KCNN2: variants seen among roughly 807,000 people sequenced by gnomAD.
KCNN2 encodes the protein potassium calcium-activated channel subfamily N member 2, also known as small conductance calcium-activated potassium channel protein 2.
In KCNN2, 24 loss-of-function variants were observed where a neutral mutation model predicts 55.5. The observed-to-expected ratio is 0.43, with a 90% confidence interval of 0.31 to 0.61. The LOEUF (loss-of-function observed/expected upper bound fraction) is 0.61, where lower values mean the gene tolerates loss of function less well. Ranked by LOEUF, KCNN2 falls within the 20% of genes least tolerant of loss-of-function variation. The pLI is 0.08. For missense variants in KCNN2, 754 were observed against 853.6 expected, an observed-to-expected ratio of 0.88 and a Z score of 1.45; for synonymous variants, 431 against 336.1, an observed-to-expected ratio of 1.28 and a Z score of -3.09.
rs2954365 is a variant in KCNN2, at chr5:114,121,792, C to T, written c.-271+65292C>T. ...TTGGTCTTAAGGTATGTTGGATAAGCGAGAGACATTTCTTGCCCCCATGGA... is the reference window on the plus strand; with the variant it reads ...TTGGTCTTAAGGTATGTTGGATAAGTGAGAGACATTTCTTGCCCCCATGGA... On this transcript the variant is annotated intron_variant, in intron 1 of 10. Transcript: ENST00000512097. 3.0e-4 allele frequency among the ~76,000 whole-genome samples: 46 copies of T among 152,176 alleles called. No homozygotes were observed. The East Asian group carries it at 8.1e-3, about 27-fold the overall frequency.
intron 3 of KCNN2, among the ~76,000 whole-genome samples, chr5:114,455,192 G>T (rs1440498925): frequency 2.0e-5 from 3 of 152,156 alleles, no homozygotes; most frequent in Admixed American, 1.3e-4. Context: ...CTGAAGGACT[G>T]TGTCAGTGCT....
intron 2 of KCNN2, among the ~76,000 whole-genome samples, chr5:114,378,655 C>T (rs937747276): frequency 7.2e-5 from 11 of 152,014 alleles, no homozygotes; most frequent in Non-Finnish European, 1.2e-4. Context: ...TCTGGTGCCT[C>T]GGGGTTGGGA....
chr5:114,471,901 C>T (rs1007329668), intron 4 of KCNN2, among the ~76,000 whole-genome samples: 1 of 152,164 alleles, frequency 6.6e-6, no homozygotes, highest in Non-Finnish European at 1.5e-5. Context: ...TGCAGCAACT[C>T]ATTGAGTAAG....
At chr5:114,276,428 G>A (rs1227574977) in intron 2 of KCNN2, among the ~76,000 whole-genome samples, 1 of 152,094 alleles carries the variant, frequency 6.6e-6, no homozygotes, top group Admixed American at 6.6e-5. Flanking sequence ...TGACAGTGGG[G>A]TGTTAAAGTC....
At position 114,169,557 on chromosome 5, in the gene KCNN2, G is replaced by A. The variant is rs532144437; in HGVS notation, c.-270-51923G>A. Among the ~76,000 whole-genome samples the A allele has an allele frequency of 7.9e-5, 12 of 152,220 alleles. No homozygotes were observed. The South Asian group carries it at 2.5e-3, about 32-fold the overall frequency. On this transcript the variant is annotated intron_variant, in intron 1 of 10. Coordinates refer to the KCNN2 transcript ENST00000512097. ...TCCTGGAACTTTTATCTCCTCTGCA[G>A]TTTAGATACCAGACAGGAAGAATGC...
chr5:114,148,869 C>T (rs1416150123), intron 1 of KCNN2, among the ~76,000 whole-genome samples: 3 of 151,930 alleles, frequency 2.0e-5, no homozygotes, highest in South Asian at 2.1e-4. Context: ...GTACAGGGAG[C>T]GGCTCACCAT....
intron 1 of KCNN2, among the ~76,000 whole-genome samples, chr5:114,134,217 T>A (rs961107305): frequency 6.6e-6 from 1 of 151,470 alleles, no homozygotes; most frequent in African/African-American, 2.4e-5. Context: ...TAGGAAGGAT[T>A]TTTTAAATTA....
chr5:114,233,517 C>T (rs1182456739), intron 2 of KCNN2, among the ~76,000 whole-genome samples: 1 of 152,012 alleles, frequency 6.6e-6, no homozygotes, highest in Non-Finnish European at 1.5e-5. Context: ...CATGTTTCTC[C>T]CTTGACTCTG....
At chr5:114,155,208 G>A (rs1167618042) in intron 1 of KCNN2, among the ~76,000 whole-genome samples, 1 of 152,092 alleles carries the variant, frequency 6.6e-6, no homozygotes, top group East Asian at 1.9e-4. Context: ...TCCCTGCAAA[G>A]GACATGATCT....
At chr5:114,159,067 T>TC (rs1159872455) in intron 1 of KCNN2, among the ~76,000 whole-genome samples, 9 of 152,188 alleles carry the variant, frequency 5.9e-5, no homozygotes, top group South Asian at 2.1e-4. Flanking sequence ...AGAGAGGGCA[T>TC]CCTGTCTTGT....
intron 1 of KCNN2, among the ~76,000 whole-genome samples, chr5:114,154,668 G>T (rs116414631): frequency 6.6e-6 from 1 of 152,116 alleles, no homozygotes. Flanking sequence ...TCTAGTTTGG[G>T]TTGTTAAACA....
chr5:114,247,113 G>T (rs1754762101), intron 2 of KCNN2, among the ~76,000 whole-genome samples: 1 of 144,564 alleles, frequency 6.9e-6, no homozygotes, highest in Non-Finnish European at 1.5e-5. Context: ...AGATCAGCGT[G>T]ACCAACATGG....
At chr5:114,283,662 A>G (rs1391678646) in intron 2 of KCNN2, among the ~76,000 whole-genome samples, 1 of 152,168 alleles carries the variant, frequency 6.6e-6, no homozygotes, top group East Asian at 1.9e-4. Flanking sequence ...TGGGACTTGG[A>G]ATATACCTTC....
At chr5:114,363,692 G>C (rs1331769597) in intron 1 of KCNN2, among the ~76,000 whole-genome samples, 1 of 152,160 alleles carries the variant, frequency 6.6e-6, no homozygotes, top group African/African-American at 2.4e-5. Flanking sequence ...CCAGCCACGC[G>C]TCTTCCCAGT....
At chr5:114,469,919 T>G (rs1389010914) in intron 4 of KCNN2, among the ~76,000 whole-genome samples, 1 of 151,928 alleles carries the variant, frequency 6.6e-6, no homozygotes, top group Non-Finnish European at 1.5e-5. Context: ...AGTTAAGGGG[T>G]TTGTATTTGA....
intron 2 of KCNN2, among the ~76,000 whole-genome samples, chr5:114,353,962 T>C (rs1018777855): frequency 1.3e-5 from 2 of 151,908 alleles, no homozygotes; most frequent in Non-Finnish European, 2.9e-5. Context: ...AATGTTTTTA[T>C]CAAATTTGGA....
chr5:114,293,031 A>T (rs565769142), intron 2 of KCNN2, among the ~76,000 whole-genome samples: 1 of 152,196 alleles, frequency 6.6e-6, no homozygotes, highest in Non-Finnish European at 1.5e-5. Context: ...TAATTTTTGC[A>T]CATTGATTTT....
At chr5:114,286,588 A>G (rs1055127758) in intron 2 of KCNN2, among the ~76,000 whole-genome samples, 1 of 152,154 alleles carries the variant, frequency 6.6e-6, no homozygotes, top group African/African-American at 2.4e-5. Flanking sequence ...CATTTTATGT[A>G]TATCATAAAG....
Position 114,397,824 on chromosome 5 carries a change from A to G in KCNN2, c.1219-6614A>G, listed in dbSNP as rs950795417. Among the ~76,000 whole-genome samples the G allele has an allele frequency of 4.6e-5, 7 of 152,312 alleles. No individual in the cohort carries two copies. In the East Asian group the frequency reaches 1.3e-3, roughly 29 times the overall value. The stretch of plus-strand genomic sequence containing the variant: ...TTTCATATGCTTGTTGGCTGCATGT[A>G]TGCCTTATTTTTGAATAAAGTCTGT... On this transcript the variant is annotated intron_variant, in intron 2 of 7. Coordinates refer to ENST00000673685, the MANE Select transcript of KCNN2 (RefSeq NM_021614.4).
Sources: allele counts gnomAD v4.1 joint callset (sites outside exome capture counted in the v4.1 genomes callset), GRCh38; gene constraint gnomAD v4.1.1; transcripts MANE v1.5; gene names NCBI Gene and HGNC (gene_info 2026-07-23, HGNC 2026-07-21).